PLCG2: variants seen among roughly 807,000 people sequenced by gnomAD.
PLCG2 encodes phospholipase C gamma 2.
PLCG2 carries 69 observed loss-of-function variants against 175.6 expected under a neutral mutation model. The observed-to-expected ratio is 0.39, with a 90% CI of 0.32 to 0.48. PLCG2 has a LOEUF of 0.48. Among genes scored for constraint, PLCG2 ranks in the 20% least tolerant of loss-of-function variants. The probability of loss-of-function intolerance (pLI) is 0.91; values close to 1 mark genes in which losing one functional copy is unlikely to be tolerated. For missense variants in PLCG2, 1,798 were observed against 1,650.9 expected (o/e 1.09, Z -1.54); for synonymous variants, 827 against 624.0 (o/e 1.33, Z -4.85).
chr16:81,856,848 C>G (rs1906709924), intron 3 of PLCG2, among the ~76,000 whole-genome samples: 1 of 152,070 alleles, frequency 6.6e-6, no homozygotes, highest in Non-Finnish European at 1.5e-5. Context: ...AGTGGAATCA[C>G]AAGGGTTCTT....
intron 31 of PLCG2, among the ~76,000 whole-genome samples, chr16:81,946,833 G>T (rs8055043): frequency 0.62 from 93,473 of 151,960 alleles, 29,995 homozygotes; most frequent in East Asian, 0.81. Context: ...TAGCTGAATG[G>T]TAAAACTGTA....
At chr16:81,799,140 T>G (rs1176183770) in intron 2 of PLCG2, among the ~76,000 whole-genome samples, 1 of 152,210 alleles carries the variant, frequency 6.6e-6, no homozygotes, top group Admixed American at 6.5e-5. Context: ...AAACAACTGC[T>G]TTTTCCCCCT....
chr16:81,894,114 G>A (rs934685516), intron 12 of PLCG2, among the ~76,000 whole-genome samples: 1 of 151,970 alleles, frequency 6.6e-6, no homozygotes, highest in Admixed American at 6.6e-5. Context: ...CTGGATTGGG[G>A]GGTCTCTGAG....
chr16:81,880,999 C>T (rs41309274), intron 8 of PLCG2, 46 bp downstream of exon 8: 26,617 of 1,591,700 alleles, frequency 0.017, 286 homozygotes, highest in Non-Finnish European at 0.02. Flanking sequence ...TGCCGGACCT[C>T]GGTGCCTGGT....
intron 2 of PLCG2, among the ~76,000 whole-genome samples, chr16:81,836,372 G>A (rs1297652342): frequency 6.6e-6 from 1 of 152,168 alleles, no homozygotes; most frequent in South Asian, 2.1e-4. Flanking sequence ...GAGCCAAGAG[G>A]TTTTTGCTGT....
chr16:81,783,779 G>A (rs1361748343), intron 1 of PLCG2, among the ~76,000 whole-genome samples: 1 of 152,174 alleles, frequency 6.6e-6, no homozygotes, highest in Non-Finnish European at 1.5e-5. Context: ...ATGATCAGGA[G>A]GTCATTTTGG....
intron 3 of PLCG2, among the ~76,000 whole-genome samples, chr16:81,855,759 G>C (rs571402800): frequency 6.6e-6 from 1 of 152,300 alleles, no homozygotes; most frequent in South Asian, 2.1e-4. Context: ...GGCTTCAGTA[G>C]GAGTTTGGAG....
chr16:81,905,183 G>A (rs113009181), intron 14 of PLCG2, among the ~76,000 whole-genome samples: 11 of 152,180 alleles, frequency 7.2e-5, no homozygotes, highest in African/African-American at 1.7e-4. Flanking sequence ...CACTGCGCCT[G>A]ACCAGTATGG....
chr16:81,815,072 C>A (rs1301328070), intron 2 of PLCG2, among the ~76,000 whole-genome samples: 1 of 152,304 alleles, frequency 6.6e-6, no homozygotes, highest in Admixed American at 6.5e-5. Context: ...CTGAAGTTAA[C>A]TTTTAAACAT....
chr16:81,763,364 G>A lies in PLCG2; in HGVS notation c.-48+7398G>A, dbSNP rs79969292. On this transcript the variant is annotated intron_variant, in intron 2 of 5. Coordinates refer to the PLCG2 transcript ENST00000565054. The stretch of plus-strand genomic sequence containing the variant: ...GATTTTCTCATGGTTTCTGTGGGTC[G>A]GGTATTTGGGAGTGGCTGGGAAGTT... Among the ~76,000 whole-genome samples the A allele has an allele frequency of 8.5e-5, 13 of 152,348 alleles. No individual in the cohort carries two copies. In the East Asian group the frequency reaches 1.2e-3, roughly 14 times the overall value.
intron 1 of PLCG2, among the ~76,000 whole-genome samples, chr16:81,782,350 A>G (rs1286147775): frequency 6.6e-6 from 1 of 152,220 alleles, no homozygotes; most frequent in East Asian, 1.9e-4. Context: ...CCCATTAAGA[A>G]TGGGAAACAG....
intron 9 of PLCG2, among the ~76,000 whole-genome samples, chr16:81,884,737 G>T: frequency 6.6e-6 from 1 of 151,292 alleles, no homozygotes; most frequent in South Asian, 2.1e-4. Context: ...TTATATTTTA[G>T]AGTAGTTTTA....
chr16:81,773,067 C>T (rs958867455), intron 2 of PLCG2, among the ~76,000 whole-genome samples: 2 of 152,162 alleles, frequency 1.3e-5, no homozygotes, highest in African/African-American at 4.8e-5. Context: ...AATATACTGC[C>T]AAATGTGGAA....
chr16:81,743,949 C>G (rs181995867), intron 1 of PLCG2, among the ~76,000 whole-genome samples: 286 of 152,052 alleles, frequency 1.9e-3, no homozygotes, highest in African/African-American at 6.8e-3. Flanking sequence ...ACCTCCACCT[C>G]CTGGGTTCAA....
At chr16:81,876,324 A>G (rs1329369347) in intron 7 of PLCG2, among the ~76,000 whole-genome samples, 1 of 152,108 alleles carries the variant, frequency 6.6e-6, no homozygotes, top group Non-Finnish European at 1.5e-5. Flanking sequence ...TGCCTGGCCT[A>G]GCTTTTCTAT....
chr16:81,745,836 C>A (rs1366493110), intron 1 of PLCG2, among the ~76,000 whole-genome samples: 2 of 152,204 alleles, frequency 1.3e-5, no homozygotes, highest in Admixed American at 6.5e-5. Flanking sequence ...CAGTTGGGAA[C>A]CTCTGCTTTC....
At chr16:81,897,807 A>T (rs921941247) in intron 13 of PLCG2, 2 of 455,126 alleles carry the variant, frequency 4.4e-6, no homozygotes, top group African/African-American at 4.0e-5. Flanking sequence ...AACCTCCCAA[A>T]GTGTGGGGAT....
intron 2 of PLCG2, among the ~76,000 whole-genome samples, chr16:81,837,092 T>C (rs1224365496): frequency 6.6e-6 from 1 of 152,232 alleles, no homozygotes; most frequent in African/African-American, 2.4e-5. Flanking sequence ...GGTAGTTGTC[T>C]GTATTTTGAG....
intron 30 of PLCG2, 30 bp from the exon 31 acceptor site, chr16:81,946,145 C>T (rs1486883718): frequency 1.9e-6 from 3 of 1,559,934 alleles, no homozygotes; most frequent in South Asian, 2.2e-5. Context: ...AATTACCTGC[C>T]TTTGCATTTT....
Sources: gnomAD v4.1 joint callset for allele counts (sites outside exome capture counted in the v4.1 genomes callset) on GRCh38, gnomAD v4.1.1 for gene constraint, MANE v1.5 for transcripts, NCBI Gene and HGNC (gene_info 2026-07-23, HGNC 2026-07-21) for gene names.